Variants in C12orf56 observed in about 807,000 individuals in gnomAD.
The protein encoded by C12orf56 is chromosome 12 open reading frame 56.
In C12orf56, 71 loss-of-function variants were observed where a neutral mutation model predicts 69.9. The observed-to-expected ratio is 1.02, with a 90% CI of 0.84 to 1.24. The LOEUF (loss-of-function observed/expected upper bound fraction) is 1.24, where lower values mean the gene tolerates loss of function less well. C12orf56 is among the 50% of genes most tolerant of loss of function. C12orf56 has a pLI of 0.00. For synonymous variants in C12orf56, 276 were observed against 274.1 expected (o/e 1.01, Z -0.07); for missense variants, 732 against 738.5 (o/e 0.99, Z 0.10).
chr12:64,361,891 C>A (rs1280547675), intron 1 of C12orf56, among the ~76,000 whole-genome samples: 1 of 152,118 alleles, frequency 6.6e-6, no homozygotes, highest in Admixed American at 6.5e-5. Context: ...CGCCACCACG[C>A]CCAGCTAATT....
chr12:64,296,757 G>A (rs1402420178), intron 6 of C12orf56, among the ~76,000 whole-genome samples: 2 of 152,256 alleles, frequency 1.3e-5, no homozygotes, highest in African/African-American at 2.4e-5. Flanking sequence ...GTTGAGAGGC[G>A]AGACCTTTAA....
chr12:64,348,136 G>A (rs2039172450), intron 2 of C12orf56, among the ~76,000 whole-genome samples: 1 of 152,132 alleles, frequency 6.6e-6, no homozygotes, highest in African/African-American at 2.4e-5. Context: ...ATATGAGCCA[G>A]GTGTGGTGGT....
chr12:64,335,417 CAAAAAAAAAAAA>C (rs59759648), intron 2 of C12orf56, among the ~76,000 whole-genome samples: 2 of 98,308 alleles, frequency 2.0e-5, no homozygotes, highest in African/African-American at 8.0e-5. Context: ...ACTTCATCTC[CAAAAAAAAAAAA>C]AAAAAAAAAA....
intron 2 of C12orf56, among the ~76,000 whole-genome samples, chr12:64,335,514 C>T (rs2038985322): frequency 6.6e-6 from 1 of 151,410 alleles, no homozygotes; most frequent in Admixed American, 6.6e-5. Context: ...GTTTAATAAC[C>T]ATCCTCTTTC....
chr12:64,274,491 T>C (rs1035044745), intron 11 of C12orf56, among the ~76,000 whole-genome samples: 5 of 152,190 alleles, frequency 3.3e-5, no homozygotes, highest in Non-Finnish European at 7.3e-5. Context: ...TGAGATGTGA[T>C]TGTAGCATCA....
At chr12:64,306,579 G>A (rs2038516645) in intron 5 of C12orf56, among the ~76,000 whole-genome samples, 1 of 152,100 alleles carries the variant, frequency 6.6e-6, no homozygotes, top group Admixed American at 6.6e-5. Context: ...CTGTTGCTCA[G>A]GCTGGTCTCA....
chr12:64,345,082 G>A (rs1300845445), intron 2 of C12orf56, among the ~76,000 whole-genome samples: 2 of 151,984 alleles, frequency 1.3e-5, no homozygotes, highest in African/African-American at 4.8e-5. Context: ...CCAGATTGTT[G>A]TTTAAAAAAA....
chr12:64,347,917 T>G (rs1478735550), intron 2 of C12orf56, among the ~76,000 whole-genome samples: 1 of 152,224 alleles, frequency 6.6e-6, no homozygotes, highest in African/African-American at 2.4e-5. Context: ...GAACAAGTTG[T>G]GGAATGATTG....
chr12:64,319,331 T>C (rs540828141), intron 3 of C12orf56, among the ~76,000 whole-genome samples: 2 of 152,330 alleles, frequency 1.3e-5, no homozygotes, highest in African/African-American at 4.8e-5. Flanking sequence ...TGTCCTTTAA[T>C]TGTACATTGC....
chr12:64,368,097 T>C (rs12229919), intron 1 of C12orf56, among the ~76,000 whole-genome samples: 25,675 of 152,004 alleles, frequency 0.17, 2,645 homozygotes, highest in East Asian at 0.36. Flanking sequence ...TGTGAGCCAC[T>C]GCGCCTGGCC....
At position 64,338,819 on chromosome 12, in the gene C12orf56, G is replaced by C. The variant is rs946104919; in HGVS notation, c.416-7787C>G. ...GGTGAGAGCAAAGCTAGGCCGGTGA[G>C]CAGCAGGCTCGAGTTTAGGTTTGAA... On this transcript the variant is annotated intron_variant, in intron 2 of 12. Transcript: ENST00000543942. 1.1e-4 allele frequency: 111 copies of C among 1,056,820 alleles called. 1 individual carries two copies. The highest frequency in any genetic ancestry group is 2.9e-5 in the Non-Finnish European group (20 of 685,186). The allele number at this position is 1,056,820 out of a possible 1,614,324, so 65.5% of individuals were successfully genotyped here. A position where few individuals can be genotyped will look rare whatever the true frequency, so the allele number is the denominator to read the frequency against.
At chr12:64,344,077 C>T (rs754763185) in intron 2 of C12orf56, among the ~76,000 whole-genome samples, 1 of 152,154 alleles carries the variant, frequency 6.6e-6, no homozygotes, top group Non-Finnish European at 1.5e-5. Flanking sequence ...TGTCTTGGGT[C>T]CCCTGGAATC....
intron 5 of C12orf56, among the ~76,000 whole-genome samples, chr12:64,312,207 A>G (rs2038626817): frequency 6.6e-6 from 1 of 152,228 alleles, no homozygotes; most frequent in Admixed American, 6.5e-5. Flanking sequence ...TATGAGACAT[A>G]CAAAAGATGT....
intron 4 of C12orf56, among the ~76,000 whole-genome samples, chr12:64,317,237 G>A (rs183565651): frequency 2.0e-5 from 3 of 152,100 alleles, no homozygotes; most frequent in Middle Eastern, 3.4e-3. Context: ...ATTTTTAGCC[G>A]TTTATAAAAC....
chr12:64,272,255 A>C (rs1313492438), intron 11 of C12orf56, among the ~76,000 whole-genome samples: 1 of 152,164 alleles, frequency 6.6e-6, no homozygotes, highest in East Asian at 1.9e-4. Context: ...CTGTAATCCC[A>C]GCACTTTAGG....
At position 64,268,980 on chromosome 12, in the gene C12orf56, A is replaced by G. The variant is rs531067818; in HGVS notation, c.1763+1556T>C. Among the ~76,000 whole-genome samples the G allele has an allele frequency of 7.4e-4, 113 of 152,116 alleles. 1 individual carries two copies. The highest frequency in any genetic ancestry group is 1.6e-3 in the Non-Finnish European group (108 of 68,018). On this transcript the variant is annotated intron_variant, in intron 12 of 12. Transcript: ENST00000543942. ...ACAAAACTCCATCTCTACTAAAAAT[A>G]CAAAAATTAGCTAGGCGTGATGGTG...
At position 64,310,100 on chromosome 12, in the gene C12orf56, C is replaced by T. The variant is rs1037077192; in HGVS notation, c.968+2579G>A. 7.2e-5 allele frequency among the ~76,000 whole-genome samples: 11 copies of T among 152,076 alleles called. No homozygotes were observed. In the South Asian group the frequency reaches 2.1e-3, roughly 29 times the overall value. Reference sequence around the variant, plus strand: ...CGGTGCAATCGCAGCTTATTACAGCCTCCACCTCCCAGGCTCAAGTGATCC... The same window carrying T: ...CGGTGCAATCGCAGCTTATTACAGCTTCCACCTCCCAGGCTCAAGTGATCC... On this transcript the variant is annotated intron_variant, in intron 5 of 12. Transcript: ENST00000543942.
chr12:64,318,665 C>G lies in C12orf56; in HGVS notation c.804G>C (p.Glu268Asp), dbSNP rs891196158. The G allele has an allele frequency of 3.3e-5, 51 of 1,536,648 alleles. No individual in the cohort carries two copies. The highest frequency in any genetic ancestry group is 4.4e-5 in the Non-Finnish European group (50 of 1,146,684). Reference sequence around the variant, plus strand: ...ACAAATGAAGTTCTGACTCCTTTTTCTCTAAATTTGAGTTGCTCTGTGAAG... The same window carrying G: ...ACAAATGAAGTTCTGACTCCTTTTTGTCTAAATTTGAGTTGCTCTGTGAAG... ...DSPSQSNSNLEKKESELHLYV... is the reference protein window; with the variant it reads ...DSPSQSNSNLDKKESELHLYV... Residue 268 changes from glutamate to aspartate, a missense_variant, in exon 4 of 13, where the codon GAG (glutamate) becomes GAC (aspartate). Physicochemically the swap from Glu to Asp is conservative, Grantham distance 45. Coordinates refer to ENST00000543942, the MANE Select transcript of C12orf56 (RefSeq NM_001170633.2).
At position 64,284,678 on chromosome 12, in the gene C12orf56, T is replaced by C. The variant is rs1214008105; in HGVS notation, c.1296A>G (p.Thr432=). The C allele has an allele frequency of 1.9e-6, 3 of 1,609,732 alleles. No homozygotes were observed. Among genetic ancestry groups the C allele is most frequent in the African/African-American group, 1.3e-5 (1 of 74,898 alleles). ...AAAGACCTTACTTCTTAGCTGCCAA[T>C]GTGTTCAGGCGTGATGACTCGGTTT... ...ETETESSRLN[T]LAAKKGALFN... Residue 432 remains threonine, a synonymous_variant, in exon 8 of 13, where the codon ACA becomes ACG. Coordinates refer to ENST00000543942, the MANE Select transcript of C12orf56 (RefSeq NM_001170633.2).
Sources: gnomAD v4.1 joint callset for allele counts (sites outside exome capture counted in the v4.1 genomes callset) on GRCh38, gnomAD v4.1.1 for gene constraint, MANE v1.5 for transcripts, NCBI Gene and HGNC (gene_info 2026-07-23, HGNC 2026-07-21) for gene names.